The following GCKR variants were observed in gnomAD, a reference collection of about 807,000 sequenced individuals.
GCKR encodes the protein glucokinase regulatory protein.
GCKR carries 73 observed loss-of-function variants against 82.9 expected under a neutral mutation model. The ratio of observed to expected loss-of-function variants is 0.88; its 90% CI spans 0.73 to 1.07. The LOEUF is 1.07. Ranked by LOEUF, GCKR falls within the 50% of genes least tolerant of loss-of-function variation. The probability of loss-of-function intolerance (pLI) is 0.00; values close to 1 mark genes in which losing one functional copy is unlikely to be tolerated. For synonymous variants in GCKR, 294 were observed against 291.8 expected (o/e 1.01, Z -0.08); for missense variants, 784 against 782.1 (o/e 1.00, Z -0.03).
chr2:27,499,240 C>A (rs1465133145), intron 6 of GCKR, 32 bp downstream of exon 6: 9 of 1,510,492 alleles, frequency 6.0e-6, no homozygotes, highest in South Asian at 1.1e-5. Context: ...TGACCAGAGA[C>A]CTCTATCTGT....
chr2:27,499,919 G>A (rs1365818057), intron 7 of GCKR, among the ~76,000 whole-genome samples: 3 of 151,582 alleles, frequency 2.0e-5, no homozygotes, highest in South Asian at 4.2e-4. Flanking sequence ...CACAATGCCC[G>A]GCTAATTTTT....
At chr2:27,499,550 G>T in intron 7 of GCKR, 100 bp downstream of exon 7, 4 of 919,418 alleles carry the variant, frequency 4.4e-6, no homozygotes, top group Middle Eastern at 2.1e-4. Flanking sequence ...GTGCTAGAAG[G>T]CAGGAAGTTT....
chr2:27,499,420 G>C lies in GCKR; in HGVS notation c.519G>C (p.Val173=). The C allele has an allele frequency of 6.2e-7, 1 of 1,612,840 alleles. No individual in the cohort carries two copies. The highest frequency in any genetic ancestry group is 8.5e-7 in the Non-Finnish European group (1 of 1,178,780). ...AGGTGGCTGCCGGGAAGAAGAGAGT[G>C]ATTGTCATTGGCATTTCTGTGGGAC... is the stretch of plus-strand genomic sequence containing the variant. ...LKKVAAGKKR[V]IVIGISVGLS... Residue 173 remains valine, a synonymous_variant, in exon 7 of 19, where the codon GTG becomes GTC. Transcript: ENST00000264717.
rs780563724 is a variant in GCKR, at chr2:27,501,172, A to G, written c.587A>G (p.Asn196Ser). The change falls in exon 8 of 19, where the codon AAC becomes AGC. Residue 196 changes from asparagine to serine, a missense_variant. Coordinates refer to ENST00000264717, the MANE Select transcript of GCKR (RefSeq NM_001486.4). ...FVAGQMDCCM[N>S]NTAVFLPVLV... ...GCAGGCCAGATGGACTGCTGCATGA[A>G]CAACACAGCTGTCTTCTTGCCAGTC... 1 of 1,614,102 alleles carries G rather than the reference A, an allele frequency of 6.2e-7. No individual in the cohort carries two copies. Among genetic ancestry groups the G allele is most frequent in the South Asian group, 1.1e-5 (1 of 91,088 alleles).
At chr2:27,515,079 G>A (rs1292065334) in intron 16 of GCKR, among the ~76,000 whole-genome samples, 1 of 152,084 alleles carries the variant, frequency 6.6e-6, no homozygotes, top group East Asian at 1.9e-4. Context: ...CCAGGTTCAA[G>A]CAATTCTTCT....
chr2:27,502,563 C>T (rs1022253737), intron 8 of GCKR, among the ~76,000 whole-genome samples: 31 of 152,128 alleles, frequency 2.0e-4, no homozygotes, highest in African/African-American at 6.3e-4. Flanking sequence ...TTAGGAATCT[C>T]GACGTTAAAC....
intron 7 of GCKR, among the ~76,000 whole-genome samples, chr2:27,500,216 G>A (rs1205287043): frequency 1.3e-5 from 2 of 151,952 alleles, no homozygotes; most frequent in African/African-American, 2.4e-5. Context: ...TCAGCCTCCC[G>A]AGTAACTGGA....
In GCKR at chr2:27,503,874, A is replaced by G. The variant is rs1439567779; in HGVS notation, c.750+255A>G. ...ACTTCAGCGGTCTGGGACAGTTTCT[A>G]TTTAAAGAAGCTCTTTGCCATCTAT... is the stretch of plus-strand genomic sequence containing the variant. On this transcript the variant is annotated intron_variant, in intron 9 of 18. Coordinates refer to ENST00000264717, the MANE Select transcript of GCKR (RefSeq NM_001486.4). Among the ~76,000 whole-genome samples, 3 of 152,224 alleles carry G rather than the reference A, an allele frequency of 2.0e-5. No individual in the cohort carries two copies. In the East Asian group the frequency reaches 5.8e-4, roughly 29 times the overall value.
rs764247567 is a variant in GCKR, at chr2:27,506,814, T to C, written c.995T>C (p.Leu332Pro). 1.2e-6 allele frequency: 2 copies of C among 1,613,314 alleles called. No individual in the cohort carries two copies. The change falls in exon 12 of 19, where the codon CTG (leucine) becomes CCG (proline). Residue 332 changes from leucine to proline, a missense_variant. Leu to Pro is a moderately conservative substitution (Grantham distance 98). Transcript: ENST00000264717. ...CTGGAGAAGAAAGGCCACGTGTACC[T>C]GGTTGGCTGGCAGACCCTGGGCATC... ...TSLEKKGHVY[L>P]VGWQTLGIIA...
At chr2:27,520,864 C>T (rs770868295) in intron 17 of GCKR, among the ~76,000 whole-genome samples, 2 of 151,434 alleles carry the variant, frequency 1.3e-5, no homozygotes, top group African/African-American at 2.4e-5. Flanking sequence ...GGTGAAACCC[C>T]GTCTCTACTA....
At chr2:27,505,391 A>G (rs1246746348) in intron 9 of GCKR, among the ~76,000 whole-genome samples, 9 of 146,162 alleles carry the variant, frequency 6.2e-5, no homozygotes, top group Non-Finnish European at 1.4e-4. Flanking sequence ...GTGACAGAGC[A>G]AGACTCCATC....
At chr2:27,517,858 G>T (rs1392105004) in intron 16 of GCKR, among the ~76,000 whole-genome samples, 2 of 152,186 alleles carry the variant, frequency 1.3e-5, no homozygotes, top group Non-Finnish European at 2.9e-5. Flanking sequence ...TTGTGGCAAA[G>T]TAGGAAATGC....
intron 18 of GCKR, among the ~76,000 whole-genome samples, chr2:27,522,897 G>GT (rs34507360): frequency 0.012 from 1,578 of 134,906 alleles, 19 homozygotes; most frequent in African/African-American, 0.036. Flanking sequence ...CCAGGGTTCT[G>GT]TTTTTTTTTT....
Position 27,518,890 on chromosome 2 carries a change from C to G in GCKR, c.1525C>G (p.Arg509Gly). The G allele has an allele frequency of 6.6e-7, 1 of 1,522,942 alleles. No individual in the cohort carries two copies. The highest frequency in any genetic ancestry group is 8.9e-7 in the Non-Finnish European group (1 of 1,122,850). The allele number at this position is 1,522,942 out of a possible 1,614,324, so 94.3% of individuals were successfully genotyped here. Residue 509 changes from arginine (R) to glycine (G), a missense_variant, in exon 17 of 19, where the codon CGG becomes GGG. Physicochemically the swap from Arg to Gly is moderately radical, Grantham distance 125 (BLOSUM62 -2). Coordinates refer to ENST00000264717, the MANE Select transcript of GCKR (RefSeq NM_001486.4). ...CCTACAAAACCACATGTTGGACCTT[C>G]GGATTAGCAACTCCAAGCTCTTCTG... is the stretch of plus-strand genomic sequence containing the variant. ...KILQNHMLDL[R>G]ISNSKLFWRA...
intron 17 of GCKR, 104 bp from the exon 18 acceptor site, chr2:27,522,356 C>T (rs1309296573): frequency 3.4e-6 from 4 of 1,172,380 alleles, no homozygotes; most frequent in East Asian, 2.3e-5. Context: ...AGCCAGGCCT[C>T]GGGATCCCAG....
intron 16 of GCKR, among the ~76,000 whole-genome samples, chr2:27,517,289 A>G (rs1670033844): frequency 6.6e-6 from 1 of 152,136 alleles, no homozygotes; most frequent in South Asian, 2.1e-4. Flanking sequence ...ATACTGCTCT[A>G]AAGAACTGCC....
At chr2:27,511,845 G>A (rs997098838) in intron 16 of GCKR, among the ~76,000 whole-genome samples, 7 of 151,882 alleles carry the variant, frequency 4.6e-5, no homozygotes, top group African/African-American at 1.7e-4. Flanking sequence ...AGAAAAATAC[G>A]AAAATGGTGC....
chr2:27,522,635 A>C, intron 18 of GCKR, 41 bp downstream of exon 18: 1 of 1,546,648 alleles, frequency 6.5e-7, no homozygotes, highest in Non-Finnish European at 8.9e-7. Flanking sequence ...ATACTTTTTG[A>C]GTACTTTCAG....
At chr2:27,523,096 G>A (rs1157742316) in intron 18 of GCKR, among the ~76,000 whole-genome samples, 173 bp from the exon 19 acceptor site, 1 of 152,048 alleles carries the variant, frequency 6.6e-6, no homozygotes, top group African/African-American at 2.4e-5. Flanking sequence ...ATGGGGTTTC[G>A]CCATATTGGC....
Sources: gnomAD v4.1 joint callset for allele counts (sites outside exome capture counted in the v4.1 genomes callset) on GRCh38, gnomAD v4.1.1 for gene constraint, MANE v1.5 for transcripts, NCBI Gene and HGNC (gene_info 2026-07-23, HGNC 2026-07-21) for gene names.